The following RYR2 variants were observed in gnomAD, a reference collection of about 807,000 sequenced individuals.
The protein encoded by RYR2 is cardiac muscle ryanodine receptor-calcium release channel.
RYR2 carries 227 observed loss-of-function variants against 601.1 expected under a neutral mutation model. That is an observed-to-expected ratio of 0.38 (90% CI 0.34 to 0.42). The LOEUF (loss-of-function observed/expected upper bound fraction) is 0.42. Ranked by LOEUF, RYR2 falls within the 10% of genes least tolerant of loss-of-function variation. The pLI is 1.00. For synonymous variants in RYR2, 2,223 were observed against 2,175.1 expected (o/e 1.02, Z -0.61); for missense variants, 4,646 against 6,156.5 (o/e 0.75, Z 8.21).
chr1:237,079,778 C>T (rs1415687018), intron 1 of RYR2, among the ~76,000 whole-genome samples: 2 of 142,656 alleles, frequency 1.4e-5, no homozygotes, highest in Non-Finnish European at 2.9e-5. Context: ...GAAAAAACTA[C>T]TTTAAAGTTC....
rs539833756 is a variant in RYR2, at chr1:237,327,668, GC to G, written c.169-3209del. Among the ~76,000 whole-genome samples the G allele has an allele frequency of 2.1e-3, 319 of 152,290 alleles. 3 individuals are homozygous for G. The highest frequency in any genetic ancestry group is 7.4e-3 in the African/African-American group (309 of 41,568). On this transcript the variant is annotated intron_variant, in intron 2 of 104. Transcript: ENST00000366574. Reference sequence around the variant, plus strand: ...GAACCGATTTTAAGAAACAAGTGGTGCTTCATCATTTCCAGAAATGGAGAGG... The same window carrying G: ...GAACCGATTTTAAGAAACAAGTGGTGTTCATCATTTCCAGAAATGGAGAGG...
intron 14 of RYR2, among the ~76,000 whole-genome samples, chr1:237,446,764 T>C (rs1029060093): frequency 3.9e-5 from 6 of 152,220 alleles, no homozygotes; most frequent in African/African-American, 1.4e-4. Context: ...CCTCATCAGA[T>C]GCAGTAAAGC....
In RYR2 at chr1:237,110,314, T is replaced by A. The variant is rs1669314220; in HGVS notation, c.48+67745T>A. ...AGTTTTAGGGTACATGTGCACAATG[T>A]GCAGGTTAGTTACATATGTATACAT... On this transcript the variant is annotated intron_variant, in intron 1 of 104. Transcript: ENST00000366574. Among the ~76,000 whole-genome samples the A allele has an allele frequency of 2.0e-5, 3 of 151,944 alleles. No individual in the cohort carries two copies. In the South Asian group the frequency reaches 6.2e-4, roughly 32 times the overall value.
At chr1:237,646,728 C>A (rs16835566) in intron 48 of RYR2, among the ~76,000 whole-genome samples, 8,222 of 152,210 alleles carry the variant, frequency 0.054, 566 homozygotes, top group African/African-American at 0.16. Context: ...CATAATCTTG[C>A]AGCTCTTGGC....
At chr1:237,679,563 A>G (rs980738237) in intron 61 of RYR2, among the ~76,000 whole-genome samples, 9 of 152,340 alleles carry the variant, frequency 5.9e-5, no homozygotes, top group African/African-American at 2.2e-4. Context: ...GACAAACAGA[A>G]GAGACCAGTT....
chr1:237,285,277 T>G (rs1277617091), intron 2 of RYR2, among the ~76,000 whole-genome samples: 1 of 152,216 alleles, frequency 6.6e-6, no homozygotes, highest in Non-Finnish European at 1.5e-5. Context: ...CTGCATCTAT[T>G]GAGATGATCA....
intron 8 of RYR2, among the ~76,000 whole-genome samples, chr1:237,379,896 C>T (rs1476396465): frequency 6.6e-6 from 1 of 152,128 alleles, no homozygotes; most frequent in Non-Finnish European, 1.5e-5. Context: ...ATAATGAAGT[C>T]GTTGCTTTTA....
chr1:237,358,158 C>T (rs951939538), intron 4 of RYR2, among the ~76,000 whole-genome samples: 13 of 152,224 alleles, frequency 8.5e-5, no homozygotes, highest in African/African-American at 3.1e-4. Context: ...AAATTAGAAC[C>T]GGTCCCTTGA....
chr1:237,248,946 G>T (rs1261614932), intron 1 of RYR2, among the ~76,000 whole-genome samples: 2 of 151,988 alleles, frequency 1.3e-5, no homozygotes, highest in Non-Finnish European at 2.9e-5. Flanking sequence ...TGTAGTTTTA[G>T]TAGAGACGGG....
intron 1 of RYR2, among the ~76,000 whole-genome samples, chr1:237,242,465 G>A (rs1233398409): frequency 1.3e-5 from 2 of 152,008 alleles, no homozygotes; most frequent in African/African-American, 4.8e-5. Context: ...ACAGTAGAAA[G>A]CAGAAAGATG....
chr1:237,785,333 G>A (rs932590114), intron 90 of RYR2, among the ~76,000 whole-genome samples: 3 of 152,102 alleles, frequency 2.0e-5, no homozygotes, highest in Non-Finnish European at 2.9e-5. Flanking sequence ...CCTCTGTTCT[G>A]TGATTTTCTT....
rs141272081 is a variant in RYR2, at chr1:237,406,569, T to C, written c.774-10480T>C. ...TTTAAAGAGAATAATCCAAGTTTAT[T>C]TGAGATAGCCTGGTGTTATTTTGTA... On this transcript the variant is annotated intron_variant, in intron 10 of 104. Transcript: ENST00000366574. Among the ~76,000 whole-genome samples the C allele has an allele frequency of 9.4e-3, 1,434 of 152,096 alleles. 35 individuals are homozygous for C. The highest frequency in any genetic ancestry group is 0.033 in the African/African-American group (1,370 of 41,498).
At chr1:237,052,389 A>G (rs1424297331) in intron 1 of RYR2, among the ~76,000 whole-genome samples, 2 of 152,232 alleles carry the variant, frequency 1.3e-5, no homozygotes, top group African/African-American at 2.4e-5. Context: ...AAATGGTGGT[A>G]AAAGCAGAGA....
At chr1:237,269,100 T>C (rs1175056512) in intron 1 of RYR2, among the ~76,000 whole-genome samples, 1 of 133,596 alleles carries the variant, frequency 7.5e-6, no homozygotes, top group Non-Finnish European at 1.5e-5. Flanking sequence ...TGGAGCGCAA[T>C]GGCACGATCT....
At chr1:237,695,084 A>C (rs922612304) in intron 63 of RYR2, among the ~76,000 whole-genome samples, 2 of 152,202 alleles carry the variant, frequency 1.3e-5, no homozygotes, top group African/African-American at 2.4e-5. Flanking sequence ...GAACTGGCAT[A>C]TGATATGTCA....
intron 1 of RYR2, among the ~76,000 whole-genome samples, chr1:237,261,584 C>T (rs1572395265): frequency 6.6e-6 from 1 of 152,296 alleles, no homozygotes; most frequent in East Asian, 1.9e-4. Context: ...AGGCAGGTCA[C>T]AAGTGTTTTA....
intron 1 of RYR2, among the ~76,000 whole-genome samples, chr1:237,240,015 G>T (rs557410998): frequency 6.6e-6 from 1 of 152,240 alleles, no homozygotes; most frequent in African/African-American, 2.4e-5. Flanking sequence ...AGATCATTTT[G>T]CTCGATCATT....
chr1:237,331,501 A>ATTTTTCTTTTCTTTTT lies in RYR2; in HGVS notation c.273+523_273+538dup, dbSNP rs369351394. On this transcript the variant is annotated intron_variant, in intron 3 of 104. Transcript: ENST00000366574. ...TAATCCTTCTCCTCTGAAAATTGAA[A>ATTTTTCTTTTCTTTTT]TTTTTCTTTTCTTTTTTTTGAGATG... 7.2e-4 allele frequency among the ~76,000 whole-genome samples: 109 copies of ATTTTTCTTTTCTTTTT among 150,604 alleles called. 1 individual carries two copies. The highest frequency in any genetic ancestry group is 2.5e-3 in the African/African-American group (100 of 40,290).
intron 80 of RYR2, among the ~76,000 whole-genome samples, chr1:237,754,684 A>G (rs533967237): frequency 8.7e-4 from 132 of 152,336 alleles, no homozygotes; most frequent in African/African-American, 3.1e-3. Context: ...AGCTCTGGCA[A>G]TGGGAGGAAC....
Sources: gnomAD v4.1 joint callset for allele counts (sites outside exome capture counted in the v4.1 genomes callset) on GRCh38, gnomAD v4.1.1 for gene constraint, MANE v1.5 for transcripts, NCBI Gene and HGNC (gene_info 2026-07-23, HGNC 2026-07-21) for gene names.